FAM169A: variants seen among roughly 807,000 people sequenced by gnomAD.
FAM169A encodes the protein family with sequence similarity 169 member A, also known as soluble lamin-associated protein of 75 kDa.
FAM169A carries 24 observed loss-of-function variants against 75.7 expected under a neutral mutation model. The observed-to-expected ratio is 0.32, with a 90% confidence interval of 0.23 to 0.45. The LOEUF is 0.45. Ranked by LOEUF, FAM169A falls within the 20% of genes least tolerant of loss-of-function variation. The pLI is 1.00. For synonymous variants in FAM169A, 271 were observed against 271.0 expected, an observed-to-expected ratio of 1.00 and a Z score of 0.00; for missense variants, 673 against 784.0, an observed-to-expected ratio of 0.86 and a Z score of 1.69.
chr5:74,805,251 T>A lies in FAM169A; in HGVS notation c.704A>T (p.Asp235Val). 2 of 1,613,676 alleles carry A rather than the reference T, an allele frequency of 1.2e-6. No individual in the cohort carries two copies. Among genetic ancestry groups the A allele is most frequent in the Non-Finnish European group, 1.7e-6 (2 of 1,179,696 alleles). ...CKQYFEKYPG[D>V]HELLWEVEGV... ...TTCAACTTCCCAAAGGAGTTCATGG[T>A]CTCCTGGATACTTCTCAAAGTATTG... The change falls in exon 7 of 13, where the codon GAC becomes GTC. Residue 235 changes from aspartate to valine, a missense_variant. By Grantham distance (152) the Asp-to-Val change is radical (BLOSUM62 -3). This residue lies in a region of FAM169A where 510 missense variants were observed against 550.9 expected (regional missense o/e 0.93). Coordinates refer to ENST00000687041, the MANE Select transcript of FAM169A (RefSeq NM_001376049.1).
chr5:74,823,428 CAA>C (rs973152110), intron 5 of FAM169A, among the ~76,000 whole-genome samples: 2 of 152,152 alleles, frequency 1.3e-5, no homozygotes, highest in Non-Finnish European at 2.9e-5. Context: ...TCCCTCCAGG[CAA>C]AGTTAACTAC....
At chr5:74,806,390 A>G (rs894947464) in intron 6 of FAM169A, among the ~76,000 whole-genome samples, 4 of 152,242 alleles carry the variant, frequency 2.6e-5, no homozygotes, top group Non-Finnish European at 5.9e-5. Context: ...TCACATCAAC[A>G]TAAATTCTAA....
intron 1 of FAM169A, among the ~76,000 whole-genome samples, chr5:74,857,483 G>C (rs1396392860): frequency 1.3e-5 from 2 of 149,100 alleles, no homozygotes; most frequent in African/African-American, 2.5e-5. Context: ...GGGAGGCAGA[G>C]GTTGCAGGGA....
Position 74,841,547 on chromosome 5 carries a change from T to C in FAM169A, c.130A>G (p.Thr44Ala). Residue 44 changes from threonine to alanine, a missense_variant and splice_region_variant, in exon 2 of 13, where the codon ACG (threonine) becomes GCG (alanine). By Grantham distance (58) the Thr-to-Ala change is moderately conservative. Transcript: ENST00000687041. ...ACAATCACTGCAGAACACCTTACCG[T>C]AATATTGAGAAGAGAAAAACACTCT... The part of the protein sequence containing the change: ...NPECFSLLNI[T>A]IPISLSNVGF... 3 of 1,611,268 alleles carry C rather than the reference T, an allele frequency of 1.9e-6. No homozygotes were observed. Among genetic ancestry groups the C allele is most frequent in the Non-Finnish European group, 2.5e-6 (3 of 1,178,286 alleles).
chr5:74,834,860 A>C (rs1303026949), intron 4 of FAM169A, among the ~76,000 whole-genome samples: 1 of 152,110 alleles, frequency 6.6e-6, no homozygotes, highest in Non-Finnish European at 1.5e-5. Flanking sequence ...ACAGGTCCCC[A>C]ATGTACCAAT....
chr5:74,840,321 G>A (rs1748792191), intron 2 of FAM169A, 148 bp from the exon 3 acceptor site: 1 of 446,630 alleles, frequency 2.2e-6, no homozygotes, highest in Non-Finnish European at 4.0e-6. Context: ...TAAAAAAAGA[G>A]TAAATCAGAT....
chr5:74,792,316 TG>T (rs1169571992), intron 11 of FAM169A, among the ~76,000 whole-genome samples: 1 of 152,170 alleles, frequency 6.6e-6, no homozygotes, highest in Non-Finnish European at 1.5e-5. Flanking sequence ...GTCAGTGGAC[TG>T]GAAGAGGCAA....
chr5:74,794,262 C>T (rs1388062563), intron 11 of FAM169A, among the ~76,000 whole-genome samples: 2 of 148,512 alleles, frequency 1.3e-5, no homozygotes, highest in Admixed American at 6.8e-5. Flanking sequence ...GGCATGGTGG[C>T]GGGCACCTGT....
intron 1 of FAM169A, among the ~76,000 whole-genome samples, chr5:74,854,068 G>C (rs1440868246): frequency 6.6e-6 from 1 of 151,902 alleles, no homozygotes; most frequent in African/African-American, 2.4e-5. Context: ...TTCAATCCAG[G>C]AAACAATGCA....
intron 4 of FAM169A, among the ~76,000 whole-genome samples, chr5:74,836,927 G>A (rs1413403936): frequency 1.4e-5 from 2 of 146,382 alleles, no homozygotes; most frequent in East Asian, 2.0e-4. Flanking sequence ...CAGCCTGGGC[G>A]TCAGTAAGCC....
chr5:74,806,860 A>T (rs889984810), intron 6 of FAM169A, among the ~76,000 whole-genome samples: 1 of 152,216 alleles, frequency 6.6e-6, no homozygotes, highest in African/African-American at 2.4e-5. Flanking sequence ...ATGAACAGGA[A>T]TTTCACACCT....
chr5:74,780,674 T>C lies in FAM169A; in HGVS notation c.*786A>G, dbSNP rs1172944639. On this transcript the variant is annotated 3_prime_UTR_variant, in exon 13 of 13. Transcript: ENST00000687041. ...TTTTACCTGATTAAAGGTGAAAGTCTAAACTTCTAGGCGTCTGCACATATG... is the reference window on the plus strand; with the variant it reads ...TTTTACCTGATTAAAGGTGAAAGTCCAAACTTCTAGGCGTCTGCACATATG... 1 of 152,220 alleles carries C rather than the reference T, an allele frequency of 6.6e-6. No individual in the cohort carries two copies. The highest frequency in any genetic ancestry group is 6.5e-5 in the Admixed American group (1 of 15,284). The allele number at this position is 152,220 out of a possible 1,614,324, so 9.4% of individuals were successfully genotyped here.
intron 5 of FAM169A, among the ~76,000 whole-genome samples, chr5:74,823,524 C>T (rs906771423): frequency 2.0e-5 from 3 of 152,224 alleles, no homozygotes; most frequent in South Asian, 4.1e-4. Context: ...TACAGCTTAT[C>T]GACTATGATG....
chr5:74,782,129 C>A lies in FAM169A; in HGVS notation c.1465-121G>T, dbSNP rs141419554. 1,259 of 748,180 alleles carry A rather than the reference C, an allele frequency of 1.7e-3. 14 individuals are homozygous for A. The African/African-American group carries it at 0.02, about 12-fold the overall frequency. 46.3% of individuals were successfully genotyped at this position (748,180 alleles called of 1,614,324 possible). On this transcript the variant is annotated intron_variant, in intron 12 of 12. Transcript: ENST00000687041. ...TAATTCGGTATTCATTACTCAAAAT[C>A]GAGTATTTTTTTGAATTTCTGTTCT... is the stretch of plus-strand genomic sequence containing the variant.
chr5:74,817,072 C>CA (rs1466469669), intron 5 of FAM169A, among the ~76,000 whole-genome samples: 5 of 151,952 alleles, frequency 3.3e-5, no homozygotes, highest in Admixed American at 6.6e-5. Flanking sequence ...AGGGCATCTA[C>CA]AAAAAAACCA....
chr5:74,798,321 G>A (rs1011335566), intron 10 of FAM169A, among the ~76,000 whole-genome samples: 13 of 152,068 alleles, frequency 8.5e-5, no homozygotes, highest in African/African-American at 3.1e-4. Flanking sequence ...TAACTGTTCC[G>A]TTTATGAAAA....
chr5:74,819,353 C>T (rs1001537247), intron 5 of FAM169A, among the ~76,000 whole-genome samples: 6 of 152,136 alleles, frequency 3.9e-5, no homozygotes, highest in Admixed American at 2.6e-4. Context: ...TACAATGGCA[C>T]GGCTACTTCG....
intron 11 of FAM169A, among the ~76,000 whole-genome samples, chr5:74,785,196 G>A (rs1428976713): frequency 1.5e-4 from 23 of 151,844 alleles, no homozygotes. Flanking sequence ...GCAGGCGCCT[G>A]TAATCCCAGG....
chr5:74,779,051 C>G lies in FAM169A; in HGVS notation c.*2409G>C, dbSNP rs1367836897. The G allele has an allele frequency of 6.6e-6, 1 of 152,038 alleles. No homozygotes were observed. Among genetic ancestry groups the G allele is most frequent in the Non-Finnish European group, 1.5e-5 (1 of 67,942 alleles). The allele number at this position is 152,038 out of a possible 1,614,324, so 9.4% of individuals were successfully genotyped here. On this transcript the variant is annotated 3_prime_UTR_variant, in exon 13 of 13. Coordinates refer to ENST00000687041, the MANE Select transcript of FAM169A (RefSeq NM_001376049.1). Reference sequence around the variant, plus strand: ...TTTTCCCTCTATAATCTATAAACCCCAAAATAACAATTTCTGTCAGAGAGA... The same window carrying G: ...TTTTCCCTCTATAATCTATAAACCCGAAAATAACAATTTCTGTCAGAGAGA...
Sources: allele counts gnomAD v4.1 joint callset (sites outside exome capture counted in the v4.1 genomes callset), GRCh38; gene constraint gnomAD v4.1.1; regional missense constraint gnomAD v4.1.1; transcripts MANE v1.5; gene names NCBI Gene and HGNC (gene_info 2026-07-23, HGNC 2026-07-21).